The following CIMIP6 variants were observed in gnomAD, a reference collection of about 807,000 sequenced individuals.
The protein encoded by CIMIP6 is uncharacterized protein C2orf73.
At chr2:54,356,384 C>A in the CIMIP6 span, among the ~76,000 whole-genome samples, 1 of 152,156 alleles carries the variant, frequency 6.6e-6, no homozygotes, top group African/African-American at 2.4e-5. Context: ...GCATGATCTT[C>A]CCAAGGCAAT....
the CIMIP6 span, among the ~76,000 whole-genome samples, chr2:54,362,396 G>A: frequency 6.6e-6 from 1 of 152,070 alleles, no homozygotes. Context: ...GAAGATCCTT[G>A]GTTTTTTTCC....
At chr2:54,380,195 C>CT in the CIMIP6 span, among the ~76,000 whole-genome samples, 1 of 152,046 alleles carries the variant, frequency 6.6e-6, no homozygotes, top group African/African-American at 2.4e-5. Flanking sequence ...TCTGTGCCTC[C>CT]TATATGCTCA....
At chr2:54,373,473 G>A in the CIMIP6 span, among the ~76,000 whole-genome samples, 1 of 152,070 alleles carries the variant, frequency 6.6e-6, no homozygotes, top group East Asian at 1.9e-4. Context: ...CCTGGTTTGT[G>A]TGTCGCTTTT....
chr2:54,380,014 G>T, the CIMIP6 span, among the ~76,000 whole-genome samples: 1 of 151,178 alleles, frequency 6.6e-6, no homozygotes, highest in African/African-American at 2.4e-5. Flanking sequence ...GTGGTGTTGT[G>T]CACCTCTAGT....
chr2:54,366,628 A>C, the CIMIP6 span, among the ~76,000 whole-genome samples: 3 of 152,200 alleles, frequency 2.0e-5, no homozygotes, highest in Admixed American at 6.5e-5. Context: ...CCTTAAAAAC[A>C]AATCAGAGAT....
chr2:54,343,721 G>A, the CIMIP6 span: 7 of 1,585,070 alleles, frequency 4.4e-6, no homozygotes, highest in South Asian at 1.2e-5. Flanking sequence ...TCTATAAAGG[G>A]TGACTGGTGG....
the CIMIP6 span, among the ~76,000 whole-genome samples, chr2:54,364,050 A>G: frequency 6.6e-6 from 1 of 152,214 alleles, no homozygotes; most frequent in East Asian, 1.9e-4. Context: ...GGTTCCTCAC[A>G]ATGACTGAAA....
chr2:54,374,555 GT>G, the CIMIP6 span, among the ~76,000 whole-genome samples: 3 of 152,180 alleles, frequency 2.0e-5, no homozygotes, highest in South Asian at 6.2e-4. Context: ...TAACAGGATA[GT>G]TTGACTCCAT....
At chr2:54,347,172 G>C in the CIMIP6 span, among the ~76,000 whole-genome samples, 1 of 152,182 alleles carries the variant, frequency 6.6e-6, no homozygotes, top group Non-Finnish European at 1.5e-5. Context: ...GTACAGACTT[G>C]ATAAAAGGTC....
the CIMIP6 span, among the ~76,000 whole-genome samples, chr2:54,376,216 T>A: frequency 1.3e-5 from 2 of 151,982 alleles, no homozygotes; most frequent in South Asian, 4.1e-4. Context: ...CTACCTTTTT[T>A]TTTTTTGGGT....
the CIMIP6 span, chr2:54,334,842 A>G: frequency 1.9e-5 from 29 of 1,547,250 alleles, no homozygotes; most frequent in African/African-American, 2.2e-4. Flanking sequence ...GGATGCTGCT[A>G]TAACATATGT....
At chr2:54,345,757 C>T in the CIMIP6 span, among the ~76,000 whole-genome samples, 1 of 152,152 alleles carries the variant, frequency 6.6e-6, no homozygotes, top group Non-Finnish European at 1.5e-5. Context: ...ACATAAAATG[C>T]ATTAAAAGGG....
the CIMIP6 span, among the ~76,000 whole-genome samples, chr2:54,356,218 G>T: frequency 2.0e-5 from 3 of 151,722 alleles, no homozygotes; most frequent in African/African-American, 7.3e-5. Context: ...ATTGACGGTT[G>T]CTGGGGGAAT....
chr2:54,373,650 C>A, the CIMIP6 span, among the ~76,000 whole-genome samples: 8 of 152,264 alleles, frequency 5.3e-5, no homozygotes, highest in South Asian at 1.7e-3. Flanking sequence ...CAACACTTTG[C>A]CTCCTCCTCA....
the CIMIP6 span, among the ~76,000 whole-genome samples, chr2:54,375,111 C>G: frequency 6.6e-6 from 1 of 151,962 alleles, no homozygotes; most frequent in East Asian, 1.9e-4. Context: ...GACCCCAAAC[C>G]CAGAAGCTGT....
chr2:54,367,941 G>A, the CIMIP6 span, among the ~76,000 whole-genome samples: 2 of 152,080 alleles, frequency 1.3e-5, no homozygotes, highest in African/African-American at 4.8e-5. Flanking sequence ...TTAATCTTAA[G>A]TAACCTTATA....
the CIMIP6 span, among the ~76,000 whole-genome samples, chr2:54,337,604 G>A: frequency 6.6e-6 from 1 of 152,148 alleles, no homozygotes; most frequent in South Asian, 2.1e-4. Context: ...TTTGAGAATA[G>A]AAATATGAAA....
the CIMIP6 span, among the ~76,000 whole-genome samples, chr2:54,374,720 T>C: frequency 2.6e-5 from 4 of 152,222 alleles, no homozygotes; most frequent in Admixed American, 2.0e-4. Flanking sequence ...TAATTCTCTT[T>C]TGTGTCTTTT....
chr2:54,333,851 C>G, the CIMIP6 span, among the ~76,000 whole-genome samples: 192 of 152,242 alleles, frequency 1.3e-3, 7 homozygotes, highest in South Asian at 0.039. Flanking sequence ...GGAGATAGCA[C>G]CACTGCACTC....
Sources: allele counts gnomAD v4.1 joint callset (sites outside exome capture counted in the v4.1 genomes callset), GRCh38; gene constraint gnomAD v4.1.1; transcripts MANE v1.5; gene names NCBI Gene and HGNC (gene_info 2026-07-23, HGNC 2026-07-21).